LARGE1: variants seen among roughly 807,000 people sequenced by gnomAD.
The protein encoded by LARGE1 is xylosyl- and glucuronyltransferase LARGE1.
LARGE1 carries 43 observed loss-of-function variants against 87.6 expected under a neutral mutation model. The ratio of observed to expected loss-of-function variants is 0.49; its 90% confidence interval spans 0.38 to 0.63. The LOEUF (loss-of-function observed/expected upper bound fraction) is 0.63. Ranked by LOEUF, LARGE1 falls within the 30% of genes least tolerant of loss-of-function variation. LARGE1 has a pLI of 0.00. For missense variants in LARGE1, 802 were observed against 1,000.2 expected, an observed-to-expected ratio of 0.80 and a Z score of 2.67; for synonymous variants, 434 against 394.6, an observed-to-expected ratio of 1.10 and a Z score of -1.18.
chr22:33,166,714 TGAA>T lies in LARGE1; in HGVS notation c.*46_*48del, dbSNP rs1245152879. The T allele has an allele frequency of 5.7e-5, 27 of 470,506 alleles. No homozygotes were observed. The Admixed American group carries it at 6.4e-4, about 11-fold the overall frequency. 29.1% of individuals were successfully genotyped at this position (470,506 alleles called of 1,614,324 possible). A position where few individuals can be genotyped will look rare whatever the true frequency, so the allele number is the denominator to read the frequency against. On this transcript the variant is annotated 3_prime_UTR_variant, in exon 12 of 12. Transcript: ENST00000608642. ...CAACATGCTGTAAAATTAGGGCTCA[TGAA>T]GAACAGTACCCAAGTCCTCGAGAAG...
chr22:33,218,847 C>T (rs906400991), intron 11 of LARGE1, among the ~76,000 whole-genome samples: 2 of 152,156 alleles, frequency 1.3e-5, no homozygotes, highest in Non-Finnish European at 2.9e-5. Flanking sequence ...TGCATGGAAG[C>T]GGAACCTAAC....
At chr22:33,117,878 G>A in the LARGE1 span, among the ~76,000 whole-genome samples, 2 of 152,192 alleles carry the variant, frequency 1.3e-5, no homozygotes, top group East Asian at 3.9e-4. Context: ...ACTGCTAAGT[G>A]CAATCATAAC....
chr22:33,154,988 G>A, the LARGE1 span, among the ~76,000 whole-genome samples: 1 of 152,162 alleles, frequency 6.6e-6, no homozygotes, highest in Non-Finnish European at 1.5e-5. Context: ...TCTTTTGTCT[G>A]CTGCCATGTG....
At chr22:33,515,692 C>T (rs779076264) in intron 6 of LARGE1, among the ~76,000 whole-genome samples, 6 of 152,162 alleles carry the variant, frequency 3.9e-5, no homozygotes, top group East Asian at 1.9e-4. Flanking sequence ...CAGTAGTCCC[C>T]GGACTTAATC....
chr22:33,496,196 T>G (rs986509277), intron 6 of LARGE1, among the ~76,000 whole-genome samples: 18 of 152,162 alleles, frequency 1.2e-4, no homozygotes, highest in African/African-American at 4.1e-4. Flanking sequence ...CCTGCTTTTA[T>G]TCCGGCCGTG....
intron 12 of LARGE1, among the ~76,000 whole-genome samples, chr22:33,298,176 T>A (rs1933610653): frequency 6.6e-6 from 1 of 152,070 alleles, no homozygotes; most frequent in Non-Finnish European, 1.5e-5. Flanking sequence ...GGTCATTCCC[T>A]TATTAGTTTG....
the LARGE1 span, among the ~76,000 whole-genome samples, chr22:33,080,961 C>CCATT: frequency 1.3e-5 from 2 of 149,492 alleles, no homozygotes; most frequent in East Asian, 2.0e-4. Flanking sequence ...TTCCATCCAT[C>CCATT]CATCCATCCA....
chr22:33,308,067 C>G (rs563994871), intron 11 of LARGE1, among the ~76,000 whole-genome samples: 2 of 152,282 alleles, frequency 1.3e-5, no homozygotes, highest in African/African-American at 4.8e-5. Context: ...GGCAAAGGCT[C>G]AGAAATGTCT....
rs2079681279 is a variant in LARGE1 at position 33,619,571 on chromosome 22, A to G, written c.491+6673T>C. 4.0e-5 allele frequency among the ~76,000 whole-genome samples: 6 copies of G among 151,016 alleles called. No homozygotes were observed. In the South Asian group the frequency reaches 1.3e-3, roughly 32 times the overall value. Reference sequence around the variant, plus strand: ...CTCTGTCTCAAAAAAAAAAAAAAAAAGAAAAAAAGAAAAAAGAAGCATGAT... The same window carrying G: ...CTCTGTCTCAAAAAAAAAAAAAAAAGGAAAAAAAGAAAAAAGAAGCATGAT... On this transcript the variant is annotated intron_variant, in intron 4 of 14. Coordinates refer to ENST00000397394, the MANE Select transcript of LARGE1 (RefSeq NM_133642.5).
At chr22:33,104,887 CTCTCTT>C in the LARGE1 span, among the ~76,000 whole-genome samples, 2,401 of 139,816 alleles carry the variant, frequency 0.017, 48 homozygotes, top group Non-Finnish European at 0.023. Flanking sequence ...TAGACTTTCT[CTCTCTT>C]TCTTTCTTTC....
chr22:33,260,989 A>G (rs1927594760), intron 11 of LARGE1, among the ~76,000 whole-genome samples: 1 of 152,174 alleles, frequency 6.6e-6, no homozygotes, highest in African/African-American at 2.4e-5. Flanking sequence ...TTCAAAATGA[A>G]ATGCCAATGA....
intron 11 of LARGE1, among the ~76,000 whole-genome samples, chr22:33,305,838 C>CTTTTTTTTTTTTTTT (rs200366425): frequency 7.9e-6 from 1 of 126,488 alleles, no homozygotes; most frequent in Non-Finnish European, 1.7e-5. Context: ...ATTTCTTTTT[C>CTTTTTTTTTTTTTTT]TTTTTCTTTT....
At chr22:33,339,796 A>G (rs1938939087) in intron 9 of LARGE1, among the ~76,000 whole-genome samples, 1 of 152,248 alleles carries the variant, frequency 6.6e-6, no homozygotes, top group Admixed American at 6.5e-5. Flanking sequence ...AGCCCTCTGA[A>G]TAGCTGGGAC....
At chr22:33,379,882 G>A (rs1028666016) in intron 9 of LARGE1, among the ~76,000 whole-genome samples, 1 of 152,132 alleles carries the variant, frequency 6.6e-6, no homozygotes, top group Non-Finnish European at 1.5e-5. Context: ...AATAAAAGCT[G>A]TTCTTATCAC....
intron 6 of LARGE1, among the ~76,000 whole-genome samples, chr22:33,550,077 A>C (rs1360957602): frequency 6.6e-6 from 1 of 151,946 alleles, no homozygotes; most frequent in African/African-American, 2.4e-5. Flanking sequence ...GCAAACCAAC[A>C]CAGCACATGT....
chr22:33,912,604 C>A (rs2065668783), intron 1 of LARGE1, among the ~76,000 whole-genome samples: 1 of 152,158 alleles, frequency 6.6e-6, no homozygotes, highest in Non-Finnish European at 1.5e-5. Flanking sequence ...ACAAAAGAGG[C>A]TCAAATTATG....
chr22:33,129,474 C>A, the LARGE1 span, among the ~76,000 whole-genome samples: 1 of 152,112 alleles, frequency 6.6e-6, no homozygotes, highest in Non-Finnish European at 1.5e-5. Context: ...CGGTTTTGAT[C>A]ACTGTATTAG....
At chr22:33,111,409 A>G in the LARGE1 span, among the ~76,000 whole-genome samples, 3 of 152,134 alleles carry the variant, frequency 2.0e-5, no homozygotes, top group Non-Finnish European at 4.4e-5. Context: ...AACAGCTTCT[A>G]TGATTATAGC....
In LARGE1 at chr22:33,815,153, T is replaced by G. The variant is rs190643666; in HGVS notation, c.-82-53595A>C. On this transcript the variant is annotated intron_variant, in intron 1 of 14. Coordinates refer to ENST00000397394, the MANE Select transcript of LARGE1 (RefSeq NM_133642.5). ...CAAGCCCACAGCCCAGCCAAACTGG[T>G]TCTTCTCACTTTTTGTTGGGGCGGC... is the stretch of plus-strand genomic sequence containing the variant. Among the ~76,000 whole-genome samples the G allele has an allele frequency of 1.6e-3, 236 of 152,192 alleles. 2 individuals carry two copies. The highest frequency in any genetic ancestry group is 0.01 in the Middle Eastern group (3 of 294).
Sources: gnomAD v4.1 joint callset for allele counts (sites outside exome capture counted in the v4.1 genomes callset) on GRCh38, gnomAD v4.1.1 for gene constraint, MANE v1.5 for transcripts, NCBI Gene and HGNC (gene_info 2026-07-23, HGNC 2026-07-21) for gene names.